Variants in GFRA1 observed in about 807,000 individuals in gnomAD.
GFRA1 encodes the protein GDNF family receptor alpha 1.
Under a neutral mutation model 51.6 loss-of-function variants are expected in GFRA1, and 16 were observed. The ratio of observed to expected loss-of-function variants is 0.31; its 90% confidence interval spans 0.21 to 0.47. GFRA1 has a LOEUF of 0.47. Ranked by LOEUF, GFRA1 falls within the 20% of genes least tolerant of loss-of-function variation. The probability of loss-of-function intolerance (pLI) is 1.00; values close to 1 mark genes in which losing one functional copy is unlikely to be tolerated. For missense variants in GFRA1, 530 were observed against 594.3 expected, an observed-to-expected ratio of 0.89 and a Z score of 1.13; for synonymous variants, 270 against 241.3, an observed-to-expected ratio of 1.12 and a Z score of -1.10.
At chr10:116,196,039 G>A (rs1258948265) in intron 5 of GFRA1, among the ~76,000 whole-genome samples, 2 of 152,150 alleles carry the variant, frequency 1.3e-5, no homozygotes, top group Admixed American at 6.5e-5. Context: ...ACACTGGGAT[G>A]TGGGGATGAA....
chr10:116,171,221 A>G (rs1320787093), intron 5 of GFRA1, among the ~76,000 whole-genome samples: 1 of 152,252 alleles, frequency 6.6e-6, no homozygotes, highest in Non-Finnish European at 1.5e-5. Context: ...ATGTTAATTT[A>G]TCATGAAAAA....
chr10:116,200,597 G>A (rs1964252738), intron 5 of GFRA1, among the ~76,000 whole-genome samples: 1 of 152,356 alleles, frequency 6.6e-6, no homozygotes, highest in South Asian at 2.1e-4. Context: ...GAGATTGGAA[G>A]TCCAAGATCC....
At chr10:116,236,941 C>A (rs1246160412) in intron 4 of GFRA1, among the ~76,000 whole-genome samples, 1 of 152,170 alleles carries the variant, frequency 6.6e-6, no homozygotes. Flanking sequence ...TTGAGCCAGG[C>A]CTTCAAATAA....
intron 5 of GFRA1, among the ~76,000 whole-genome samples, chr10:116,130,263 G>C (rs763138920): frequency 8.6e-5 from 13 of 151,854 alleles, no homozygotes; most frequent in Non-Finnish European, 1.8e-4. Context: ...AAACTTAATA[G>C]CTTATATAGT....
intron 5 of GFRA1, among the ~76,000 whole-genome samples, chr10:116,176,391 G>A (rs897897392): frequency 6.6e-6 from 1 of 152,106 alleles, no homozygotes; most frequent in Non-Finnish European, 1.5e-5. Context: ...AGCCTGGTGG[G>A]AGGTGTTTGG....
intron 5 of GFRA1, among the ~76,000 whole-genome samples, chr10:116,126,621 TAG>T (rs1481061341): frequency 2.0e-5 from 3 of 152,282 alleles, no homozygotes; most frequent in East Asian, 3.9e-4. Context: ...TGATGAGGTG[TAG>T]TAGTGATTCT....
At position 116,101,547 on chromosome 10, in the gene GFRA1, T is replaced by A. The variant is rs535827922; in HGVS notation, c.771-4783A>T. Among the ~76,000 whole-genome samples, 50 of 152,086 alleles carry A rather than the reference T, an allele frequency of 3.3e-4. 1 individual carries two copies. Among genetic ancestry groups the A allele is most frequent in the African/African-American group, 2.2e-4 (9 of 41,494 alleles). On this transcript the variant is annotated intron_variant, in intron 6 of 10. Coordinates refer to ENST00000355422, the MANE Select transcript of GFRA1 (RefSeq NM_005264.8). ...CGCTGCTAATTGGAAATAGAAAAAT[T>A]ATAATAATAATAATATCTAGGAGAA...
chr10:116,142,800 C>A lies in GFRA1; in HGVS notation c.434-17243G>T, dbSNP rs1264758770. On this transcript the variant is annotated intron_variant, in intron 5 of 10. Transcript: ENST00000355422. Reference sequence around the variant, plus strand: ...AAACCCATATTTATCTACAAATTAACAACTCTATATAGATCTGTTACTTTA... The same window carrying A: ...AAACCCATATTTATCTACAAATTAAAAACTCTATATAGATCTGTTACTTTA... Among the ~76,000 whole-genome samples the A allele has an allele frequency of 2.6e-5, 4 of 152,274 alleles. No homozygotes were observed. In the East Asian group the frequency reaches 5.8e-4, roughly 22 times the overall value.
At chr10:116,178,312 TA>T (rs1961853877) in intron 5 of GFRA1, among the ~76,000 whole-genome samples, 1 of 149,394 alleles carries the variant, frequency 6.7e-6, no homozygotes, top group South Asian at 2.1e-4. Context: ...GGGGGCGTTT[TA>T]CTCCCCTCAA....
intron 5 of GFRA1, among the ~76,000 whole-genome samples, chr10:116,205,618 T>C (rs1818394924): frequency 1.6e-5 from 2 of 128,684 alleles, no homozygotes; most frequent in Non-Finnish European, 1.7e-5. Flanking sequence ...TATATATATA[T>C]ATATATATTC....
chr10:116,242,745 G>A (rs758158112), intron 4 of GFRA1, among the ~76,000 whole-genome samples: 60 of 152,244 alleles, frequency 3.9e-4, no homozygotes, highest in Non-Finnish European at 5.4e-4. Flanking sequence ...GCCTCCCAAA[G>A]TGCCAGGATT....
At chr10:116,070,964 A>C (rs1447991589) in intron 9 of GFRA1, among the ~76,000 whole-genome samples, 2 of 152,150 alleles carry the variant, frequency 1.3e-5, no homozygotes, top group African/African-American at 2.4e-5. Flanking sequence ...TGGTCTGAAT[A>C]ATGTCCAGTA....
intron 5 of GFRA1, among the ~76,000 whole-genome samples, chr10:116,168,299 T>G (rs1291744887): frequency 6.6e-6 from 1 of 152,176 alleles, no homozygotes; most frequent in African/African-American, 2.4e-5. Context: ...TCCTGGGGTT[T>G]GCCTTCTGAA....
At chr10:116,087,969 G>A (rs1056151982) in intron 9 of GFRA1, among the ~76,000 whole-genome samples, 1 of 152,100 alleles carries the variant, frequency 6.6e-6, no homozygotes, top group African/African-American at 2.4e-5. Flanking sequence ...GAGAGTAAAT[G>A]CCCGGGAAAT....
At chr10:116,085,113 CT>C (rs940756128) in intron 9 of GFRA1, among the ~76,000 whole-genome samples, 22 of 152,096 alleles carry the variant, frequency 1.4e-4, no homozygotes, top group Non-Finnish European at 2.8e-4. Flanking sequence ...ATCAACTTTC[CT>C]TTTTTAAAGC....
At position 116,267,940 on chromosome 10, in the gene GFRA1, A is replaced by AACACACAC. The variant is rs58079628; in HGVS notation, c.418+1555_418+1562dup. Among the ~76,000 whole-genome samples, 275 of 146,486 alleles carry AACACACAC rather than the reference A, an allele frequency of 1.9e-3. 4 individuals carry two copies. The East Asian group carries it at 0.031, about 17-fold the overall frequency. On this transcript the variant is annotated intron_variant, in intron 4 of 10. Coordinates refer to ENST00000355422, the MANE Select transcript of GFRA1 (RefSeq NM_005264.8). ...TTATGCCAAAACAGACTGACAGACTAACACACACACACACACACACACACA... is the reference window on the plus strand; with the variant it reads ...TTATGCCAAAACAGACTGACAGACTAACACACACACACACACACACACACACACACACA...
chr10:116,135,976 C>G (rs1002171284), intron 5 of GFRA1, among the ~76,000 whole-genome samples: 2 of 146,952 alleles, frequency 1.4e-5, no homozygotes, highest in East Asian at 4.1e-4. Flanking sequence ...ACATGTAGTA[C>G]TGGCTCTCAG....
chr10:116,087,004 G>C (rs1341684679), intron 9 of GFRA1, among the ~76,000 whole-genome samples: 1 of 152,158 alleles, frequency 6.6e-6, no homozygotes, highest in East Asian at 1.9e-4. Flanking sequence ...TTTTAGTAGA[G>C]ACAGGATTTT....
At chr10:116,125,985 G>T (rs952920) in intron 5 of GFRA1, among the ~76,000 whole-genome samples, 75,876 of 152,110 alleles carry the variant, frequency 0.5, 20,223 homozygotes, top group Admixed American at 0.63. Flanking sequence ...ATGTAATTAT[G>T]TAATAAATGC....
Sources: gnomAD v4.1 joint callset for allele counts (sites outside exome capture counted in the v4.1 genomes callset) on GRCh38, gnomAD v4.1.1 for gene constraint, MANE v1.5 for transcripts, NCBI Gene and HGNC (gene_info 2026-07-23, HGNC 2026-07-21) for gene names.